RGS7BP: variants seen among roughly 807,000 people sequenced by gnomAD.
RGS7BP encodes regulator of G protein signaling 7 binding protein.
Under a neutral mutation model 31.3 loss-of-function variants are expected in RGS7BP, and 9 were observed. The observed-to-expected ratio is 0.29, with a 90% CI of 0.17 to 0.50. The LOEUF is 0.50. RGS7BP is among the 20% of genes least tolerant of loss of function. RGS7BP has a pLI of 0.98. For missense variants in RGS7BP, 274 were observed against 322.0 expected, an observed-to-expected ratio of 0.85 and a Z score of 1.14; for synonymous variants, 115 against 120.1, an observed-to-expected ratio of 0.96 and a Z score of 0.28.
In RGS7BP at chr5:64,506,864, T is replaced by G; in HGVS notation, c.165+75T>G. 1 of 1,389,320 alleles carries G rather than the reference T, an allele frequency of 7.2e-7. No individual in the cohort carries two copies. 86.1% of individuals were successfully genotyped at this position (1,389,320 alleles called of 1,614,324 possible). A position where few individuals can be genotyped will look rare whatever the true frequency, so the allele number is the denominator to read the frequency against. On this transcript the variant is annotated intron_variant, in intron 1 of 5. Transcript: ENST00000334025. The surrounding 1 kb of genome is among the most constrained non-coding windows in gnomAD (Gnocchi z 4.6). Reference sequence around the variant, plus strand: ...GGGGGGAGTCATGTATGTTAATCATTTGCCTGAGTGCCAGCCACTCCCCCA... The same window carrying G: ...GGGGGGAGTCATGTATGTTAATCATGTGCCTGAGTGCCAGCCACTCCCCCA...
intron 5 of RGS7BP, among the ~76,000 whole-genome samples, chr5:64,605,960 ATGC>A (rs1561352554): frequency 6.7e-5 from 8 of 119,784 alleles, no homozygotes; most frequent in Non-Finnish European, 9.4e-5. Context: ...ACATATATAT[ATGC>A]TATATATATG....
chr5:64,575,702 G>T, intron 2 of RGS7BP, 72 bp from the exon 3 acceptor site: 1 of 1,511,420 alleles, frequency 6.6e-7, no homozygotes, highest in Non-Finnish European at 8.8e-7. Flanking sequence ...TTTCCCTCTC[G>T]GAGCTGAGAC....
At chr5:64,549,882 A>G (rs1741748224) in intron 2 of RGS7BP, among the ~76,000 whole-genome samples, 1 of 152,178 alleles carries the variant, frequency 6.6e-6, no homozygotes, top group Non-Finnish European at 1.5e-5. Flanking sequence ...GTAAGCACTC[A>G]GAGGAGCCAA....
chr5:64,514,741 A>G (rs563981687), intron 2 of RGS7BP, among the ~76,000 whole-genome samples: 5 of 152,146 alleles, frequency 3.3e-5, no homozygotes, highest in Non-Finnish European at 5.9e-5. Context: ...CCTGGTGTGC[A>G]TGAGAGAATT....
chr5:64,552,316 G>T (rs1236904604), intron 2 of RGS7BP, among the ~76,000 whole-genome samples: 1 of 151,902 alleles, frequency 6.6e-6, no homozygotes, highest in Non-Finnish European at 1.5e-5. Context: ...TCCCAATTCT[G>T]ATTATTTTTT....
intron 2 of RGS7BP, among the ~76,000 whole-genome samples, chr5:64,529,475 G>A (rs182585900): frequency 6.6e-6 from 1 of 152,108 alleles, no homozygotes; most frequent in African/African-American, 2.4e-5. Context: ...CAGATCACAG[G>A]GTTTACTGAA....
At chr5:64,572,461 C>T (rs1412503237) in intron 2 of RGS7BP, among the ~76,000 whole-genome samples, 1 of 152,070 alleles carries the variant, frequency 6.6e-6, no homozygotes, top group Non-Finnish European at 1.5e-5. Context: ...TTGTACAAGG[C>T]CTGAAGTTAA....
chr5:64,606,580 G>A (rs547695863), intron 5 of RGS7BP, among the ~76,000 whole-genome samples: 1 of 152,218 alleles, frequency 6.6e-6, no homozygotes, highest in Admixed American at 6.6e-5. Context: ...AAGAGACACT[G>A]AAAGGTAAAA....
intron 2 of RGS7BP, chr5:64,575,564 G>A: frequency 1.2e-6 from 1 of 831,098 alleles, no homozygotes; most frequent in Non-Finnish European, 1.6e-6. Context: ...TGCTGCTGAA[G>A]GGGAAAAAAA....
chr5:64,544,883 GA>G (rs1190844160), intron 2 of RGS7BP, among the ~76,000 whole-genome samples: 2 of 151,948 alleles, frequency 1.3e-5, no homozygotes, highest in Non-Finnish European at 2.9e-5. Flanking sequence ...ACACATTAAA[GA>G]GTTGGCTTTT....
chr5:64,566,875 G>A (rs936043287), intron 2 of RGS7BP, among the ~76,000 whole-genome samples: 1 of 151,912 alleles, frequency 6.6e-6, no homozygotes, highest in Non-Finnish European at 1.5e-5. Flanking sequence ...TAAAAACTGG[G>A]ATTTCAGGCC....
intron 2 of RGS7BP, among the ~76,000 whole-genome samples, chr5:64,513,061 T>C (rs1020605272): frequency 5.3e-5 from 8 of 152,206 alleles, no homozygotes; most frequent in African/African-American, 1.9e-4. Flanking sequence ...CATTAATTCA[T>C]AGAGAATCAC....
At chr5:64,609,045 C>A in intron 5 of RGS7BP, 116 bp from the exon 6 acceptor site, 1 of 709,982 alleles carries the variant, frequency 1.4e-6, no homozygotes, top group Non-Finnish European at 2.6e-6. Context: ...AAAATGCCAA[C>A]AGTGCTGAGG....
At chr5:64,603,155 C>A (rs1743264792) in intron 5 of RGS7BP, among the ~76,000 whole-genome samples, 1 of 152,078 alleles carries the variant, frequency 6.6e-6, no homozygotes, top group Admixed American at 6.6e-5. Context: ...GTGCAGTCAT[C>A]CAGGTGAGAA....
chr5:64,582,162 C>A (rs143857630), intron 3 of RGS7BP, among the ~76,000 whole-genome samples: 1 of 152,324 alleles, frequency 6.6e-6, no homozygotes, highest in East Asian at 1.9e-4. Context: ...GGTAGGAAAT[C>A]TTTTCCCATT....
intron 2 of RGS7BP, among the ~76,000 whole-genome samples, chr5:64,529,823 T>C (rs1749325806): frequency 1.3e-5 from 2 of 152,224 alleles, no homozygotes; most frequent in South Asian, 4.1e-4. Context: ...CCATTCTCTG[T>C]ATCTCTGCTT....
chr5:64,602,270 T>C (rs1743238266), intron 5 of RGS7BP, among the ~76,000 whole-genome samples: 1 of 152,186 alleles, frequency 6.6e-6, no homozygotes, highest in African/African-American at 2.4e-5. Context: ...CGTAAAGACT[T>C]TCTATGTTTC....
At chr5:64,545,660 G>A (rs1437504806) in intron 2 of RGS7BP, among the ~76,000 whole-genome samples, 1 of 152,126 alleles carries the variant, frequency 6.6e-6, no homozygotes, top group East Asian at 1.9e-4. Context: ...TAATTCAAAT[G>A]GTAGATTCAA....
chr5:64,543,542 TA>T (rs147075289), intron 2 of RGS7BP, among the ~76,000 whole-genome samples: 3 of 151,952 alleles, frequency 2.0e-5, no homozygotes, highest in Non-Finnish European at 2.9e-5. Context: ...GAAAAAAGTT[TA>T]AAAAAAAATC....
Sources: allele counts gnomAD v4.1 joint callset (sites outside exome capture counted in the v4.1 genomes callset), GRCh38; gene constraint gnomAD v4.1.1; non-coding constraint Gnocchi (gnomAD v3.1); transcripts MANE v1.5; gene names NCBI Gene and HGNC (gene_info 2026-07-23, HGNC 2026-07-21).